Variants in MED15 observed in about 807,000 individuals in gnomAD.
MED15 encodes the protein mediator of RNA polymerase II transcription subunit 15.
Under a neutral mutation model 118.7 loss-of-function variants are expected in MED15, and 41 were observed. The observed-to-expected ratio is 0.35, with a 90% confidence interval of 0.27 to 0.45. The LOEUF is 0.45. Ranked by LOEUF, MED15 falls within the 20% of genes least tolerant of loss-of-function variation. MED15 has a pLI of 1.00. For missense variants in MED15, 740 were observed against 1,025.5 expected, an observed-to-expected ratio of 0.72 and a Z score of 3.80; for synonymous variants, 436 against 413.9, an observed-to-expected ratio of 1.05 and a Z score of -0.65.
chr22:20,544,896 C>T (rs779322223), intron 2 of MED15, among the ~76,000 whole-genome samples: 5 of 152,138 alleles, frequency 3.3e-5, no homozygotes, highest in Non-Finnish European at 7.4e-5. Context: ...ATTCCATCTT[C>T]ACGTCGCCTT....
At chr22:20,508,270 A>G (rs1307379522) in intron 1 of MED15, 3 of 1,296,954 alleles carry the variant, frequency 2.3e-6, no homozygotes, top group South Asian at 1.2e-5. Flanking sequence ...ACTTTGCCGA[A>G]GGATGGCAGG....
intron 1 of MED15, among the ~76,000 whole-genome samples, chr22:20,518,413 C>T (rs2054328926): frequency 6.6e-6 from 1 of 152,156 alleles, no homozygotes; most frequent in South Asian, 2.1e-4. Flanking sequence ...CCACACCATG[C>T]CCTTTCTGGA....
chr22:20,573,318 T>C (rs929751254), intron 8 of MED15, among the ~76,000 whole-genome samples: 1 of 152,216 alleles, frequency 6.6e-6, no homozygotes, highest in African/African-American at 2.4e-5. Context: ...TAACGTTCTA[T>C]TCTTTTAGTA....
rs962861051 is a variant in MED15, at chr22:20,566,508, G to A, written c.732G>A (p.Leu244=). Residue 244 remains leucine (L), a synonymous_variant, in exon 7 of 18, where the codon CTG becomes CTA. Transcript: ENST00000263205. ...AGCAGCTGCAGCGAATAGCACAGCTGCAGCTCCAACAACAGCAACAGCAGC... is the reference window on the plus strand; with the variant it reads ...AGCAGCTGCAGCGAATAGCACAGCTACAGCTCCAACAACAGCAACAGCAGC... ...QQQQLQRIAQ[L]QLQQQQQQQQ... 5 of 1,609,730 alleles carry A rather than the reference G, an allele frequency of 3.1e-6. No homozygotes were observed. Among genetic ancestry groups the A allele is most frequent in the South Asian group, 1.1e-5 (1 of 90,892 alleles).
At chr22:20,519,462 G>A (rs1199090282) in intron 1 of MED15, among the ~76,000 whole-genome samples, 4 of 147,184 alleles carry the variant, frequency 2.7e-5, no homozygotes, top group South Asian at 2.1e-4. Flanking sequence ...TCTTGAGACA[G>A]TCTTGCTCTG....
intron 1 of MED15, among the ~76,000 whole-genome samples, chr22:20,521,835 C>T (rs2054474004): frequency 6.6e-6 from 1 of 151,554 alleles, no homozygotes; most frequent in Admixed American, 6.6e-5. Context: ...ACATGATTCT[C>T]CCACCTCGGC....
chr22:20,561,757 G>GT (rs1292196999), intron 5 of MED15, among the ~76,000 whole-genome samples: 3 of 152,178 alleles, frequency 2.0e-5, no homozygotes, highest in African/African-American at 7.2e-5. Flanking sequence ...GCTCACGTCT[G>GT]TAATCCCAGC....
At chr22:20,519,504 CGGCTCACTGGCCTGACCTT>C (rs1011752526) in intron 1 of MED15, among the ~76,000 whole-genome samples, 26 of 151,128 alleles carry the variant, frequency 1.7e-4, no homozygotes, top group African/African-American at 6.3e-4. Context: ...GGCCTGACCT[CGGCTCACTGGCCTGACCTT>C]GGCTCACTGC....
intron 8 of MED15, among the ~76,000 whole-genome samples, chr22:20,572,450 A>G (rs2056695297): frequency 6.6e-6 from 1 of 152,234 alleles, no homozygotes; most frequent in Non-Finnish European, 1.5e-5. Context: ...CCCTTGCAGT[A>G]CTGTGGTGTT....
intron 1 of MED15, among the ~76,000 whole-genome samples, chr22:20,525,496 T>G (rs911268397): frequency 6.6e-6 from 1 of 150,810 alleles, no homozygotes; most frequent in Non-Finnish European, 1.5e-5. Context: ...ATTACAGACA[T>G]GAGCCATTGA....
chr22:20,577,896 G>C (rs2056868608), intron 9 of MED15, among the ~76,000 whole-genome samples: 1 of 152,024 alleles, frequency 6.6e-6, no homozygotes, highest in Non-Finnish European at 1.5e-5. Flanking sequence ...TTCTGGTTTT[G>C]TTCTGTTATT....
At chr22:20,518,527 C>G (rs566114378) in intron 1 of MED15, among the ~76,000 whole-genome samples, 2 of 152,156 alleles carry the variant, frequency 1.3e-5, no homozygotes, top group African/African-American at 4.8e-5. Flanking sequence ...GTTAGCTCAG[C>G]CTGTGGTGGC....
intron 2 of MED15, among the ~76,000 whole-genome samples, chr22:20,543,473 A>G (rs1253492592): frequency 6.7e-6 from 1 of 150,256 alleles, no homozygotes; most frequent in Non-Finnish European, 1.5e-5. Context: ...TGGCCTCCCA[A>G]AGTGCTGGGA....
chr22:20,566,487 G>A lies in MED15; in HGVS notation c.711G>A (p.Gln237=), dbSNP rs1213750683. 2.4e-5 allele frequency: 38 copies of A among 1,610,676 alleles called. No homozygotes were observed. Among genetic ancestry groups the A allele is most frequent in the Non-Finnish European group, 3.2e-5 (38 of 1,178,266 alleles). ...NQQQIQQQQQ[Q]LQRIAQLQLQ... The stretch of plus-strand genomic sequence containing the variant: ...TCTAGATACAGCAGCAGCAACAGCA[G>A]CTGCAGCGAATAGCACAGCTGCAGC... Residue 237 remains glutamine, a synonymous_variant, in exon 7 of 18, where the codon CAG becomes CAA. Coordinates refer to ENST00000263205, the MANE Select transcript of MED15 (RefSeq NM_001003891.3).
At chr22:20,528,697 T>C (rs748435770) in intron 1 of MED15, among the ~76,000 whole-genome samples, 1 of 152,168 alleles carries the variant, frequency 6.6e-6, no homozygotes, top group African/African-American at 2.4e-5. Flanking sequence ...CTCACTGCGA[T>C]GGAGGAGGCT....
In MED15 at chr22:20,507,720, C is replaced by G; in HGVS notation, c.42C>G (p.Ala14=). The G allele has an allele frequency of 6.2e-7, 1 of 1,614,064 alleles. No individual in the cohort carries two copies. Among genetic ancestry groups the G allele is most frequent in the Non-Finnish European group, 8.5e-7 (1 of 1,179,942 alleles). The change falls in exon 1 of 18, where the codon GCC becomes GCG. Residue 14 remains alanine (A), a synonymous_variant. Coordinates refer to ENST00000263205, the MANE Select transcript of MED15 (RefSeq NM_001003891.3). ...AAGAGACCGACTGGCGGAGCACCGC[C>G]TTCCGGCAGAAGCTGGTCAGTCAAA... ...SGQETDWRST[A]FRQKLVSQIE...
chr22:20,572,906 CAG>C (rs1312484540), intron 8 of MED15, among the ~76,000 whole-genome samples: 2 of 151,584 alleles, frequency 1.3e-5, no homozygotes, highest in Non-Finnish European at 2.9e-5. Flanking sequence ...GCCTGGGAGA[CAG>C]AGCAAAACTC....
At chr22:20,539,330 C>CA (rs1349400646) in intron 2 of MED15, among the ~76,000 whole-genome samples, 1 of 152,124 alleles carries the variant, frequency 6.6e-6, no homozygotes, top group Non-Finnish European at 1.5e-5. Flanking sequence ...AGGCTGGTCT[C>CA]AAACTCCTGA....
At position 20,582,637 on chromosome 22, in the gene MED15, G is replaced by T; in HGVS notation, c.1299G>T (p.Leu433=). The T allele has an allele frequency of 6.3e-7, 1 of 1,575,300 alleles. No homozygotes were observed. The change falls in exon 10 of 18, where the codon CTG becomes CTT. Residue 433 remains leucine (L), a synonymous_variant. Coordinates refer to ENST00000263205, the MANE Select transcript of MED15 (RefSeq NM_001003891.3). The part of the protein sequence containing the change: ...AQVSQSSLPM[L]SSPSPGQQVQ... ...TCAGCCAGAGCAGCCTCCCCATGCT[G>T]TCCTCGCCGTCACCGGGCCAGCAGG...
Sources: allele counts gnomAD v4.1 joint callset (sites outside exome capture counted in the v4.1 genomes callset), GRCh38; gene constraint gnomAD v4.1.1; transcripts MANE v1.5; gene names NCBI Gene and HGNC (gene_info 2026-07-23, HGNC 2026-07-21).